Variants in NXPH1 observed in about 807,000 individuals in gnomAD.
NXPH1 encodes the protein neurexophilin-1.
A neutral mutation model predicts 23.7 loss-of-function variants in NXPH1; 5 were observed. The observed-to-expected ratio is 0.21, with a 90% CI of 0.11 to 0.44. The LOEUF (loss-of-function observed/expected upper bound fraction) is 0.44, where lower values mean the gene tolerates loss of function less well. NXPH1 is among the 20% of genes least tolerant of loss of function. The pLI is 0.99. For missense variants in NXPH1, 324 were observed against 321.6 expected (o/e 1.01, Z -0.06); for synonymous variants, 144 against 122.2 (o/e 1.18, Z -1.18).
At chr7:8,450,225 A>G (rs188226343) in intron 2 of NXPH1, among the ~76,000 whole-genome samples, 1 of 152,326 alleles carries the variant, frequency 6.6e-6, no homozygotes, top group East Asian at 1.9e-4. Context: ...GGGAAACCAT[A>G]TATACAAAGC....
At chr7:8,652,802 T>A (rs1820510036) in intron 2 of NXPH1, among the ~76,000 whole-genome samples, 1 of 152,192 alleles carries the variant, frequency 6.6e-6, no homozygotes, top group Non-Finnish European at 1.5e-5. Flanking sequence ...CTTGGATGTA[T>A]CTCCCCATCC....
chr7:8,660,449 C>T (rs1299467775), intron 2 of NXPH1, among the ~76,000 whole-genome samples: 1 of 152,160 alleles, frequency 6.6e-6, no homozygotes, highest in African/African-American at 2.4e-5. Flanking sequence ...TTTGCTAAAA[C>T]AACTACTGTT....
chr7:8,560,372 A>G (rs1818423234), intron 2 of NXPH1, among the ~76,000 whole-genome samples: 1 of 151,792 alleles, frequency 6.6e-6, no homozygotes, highest in Non-Finnish European at 1.5e-5. Flanking sequence ...AACACACTCT[A>G]ATTCTAGAAA....
chr7:8,465,465 T>C (rs1460820461), intron 2 of NXPH1, among the ~76,000 whole-genome samples: 1 of 146,380 alleles, frequency 6.8e-6, no homozygotes, highest in Non-Finnish European at 1.5e-5. Flanking sequence ...TGGGTTGAGT[T>C]GGGAAGGATT....
intron 2 of NXPH1, among the ~76,000 whole-genome samples, chr7:8,724,336 A>G (rs544028240): frequency 1.9e-4 from 29 of 152,306 alleles, no homozygotes; most frequent in African/African-American, 6.0e-4. Context: ...CTCTTTGAAA[A>G]GGGTAATTAA....
intron 2 of NXPH1, among the ~76,000 whole-genome samples, chr7:8,617,482 G>C (rs943777066): frequency 5.3e-5 from 8 of 152,054 alleles, no homozygotes; most frequent in Non-Finnish European, 8.8e-5. Flanking sequence ...CCATAAAAAA[G>C]AAGGAGATCC....
intron 2 of NXPH1, among the ~76,000 whole-genome samples, chr7:8,444,828 C>T (rs1437313025): frequency 6.6e-6 from 1 of 152,200 alleles, no homozygotes; most frequent in African/African-American, 2.4e-5. Context: ...TTTATAATAA[C>T]ATTAATGAGA....
chr7:8,556,142 C>G (rs1227942537), intron 2 of NXPH1, among the ~76,000 whole-genome samples: 2 of 151,526 alleles, frequency 1.3e-5, no homozygotes, highest in Non-Finnish European at 3.0e-5. Flanking sequence ...GCTATTGATC[C>G]AAAAATAAGT....
chr7:8,593,838 A>G (rs1043208102), intron 2 of NXPH1, among the ~76,000 whole-genome samples: 3 of 152,088 alleles, frequency 2.0e-5, no homozygotes, highest in South Asian at 2.1e-4. Flanking sequence ...GACATTTTCC[A>G]TAGATTGGAA....
intron 2 of NXPH1, among the ~76,000 whole-genome samples, chr7:8,571,295 T>A (rs1230460284): frequency 6.6e-6 from 1 of 151,758 alleles, no homozygotes; most frequent in East Asian, 2.0e-4. Flanking sequence ...GAAGTGGAAC[T>A]GAAAAGATTT....
At chr7:8,696,274 C>A (rs1479416586) in intron 2 of NXPH1, among the ~76,000 whole-genome samples, 1 of 152,150 alleles carries the variant, frequency 6.6e-6, no homozygotes, top group Non-Finnish European at 1.5e-5. Context: ...AGCCACTCAT[C>A]CATTTATTCA....
intron 2 of NXPH1, among the ~76,000 whole-genome samples, chr7:8,504,594 G>A (rs1817491232): frequency 6.6e-6 from 1 of 151,984 alleles, no homozygotes; most frequent in Non-Finnish European, 1.5e-5. Flanking sequence ...GTAAATGAAT[G>A]GAGAACAAGG....
chr7:8,482,715 C>A (rs10247842), intron 2 of NXPH1, among the ~76,000 whole-genome samples: 86,694 of 151,992 alleles, frequency 0.57, 26,597 homozygotes, highest in African/African-American at 0.8. Flanking sequence ...ATACTTAATA[C>A]TATGGTCAAT....
intron 2 of NXPH1, among the ~76,000 whole-genome samples, chr7:8,734,738 G>C (rs1349816512): frequency 6.6e-6 from 1 of 152,138 alleles, no homozygotes; most frequent in Non-Finnish European, 1.5e-5. Flanking sequence ...TTCAAGTCCT[G>C]AATAGCCTTG....
intron 2 of NXPH1, among the ~76,000 whole-genome samples, chr7:8,525,121 G>A (rs1389783103): frequency 6.6e-6 from 1 of 152,170 alleles, no homozygotes; most frequent in African/African-American, 2.4e-5. Flanking sequence ...ATAGCGATAT[G>A]GACAATAAAA....
chr7:8,573,602 C>A lies in NXPH1; in HGVS notation c.54+137835C>A, dbSNP rs115969355. ...AACAGCCTGAAAAGGCACTTTAGAA[C>A]CAGGTTATGGAAGCTCTTAAATGCC... On this transcript the variant is annotated intron_variant, in intron 2 of 2. Coordinates refer to ENST00000405863, the MANE Select transcript of NXPH1 (RefSeq NM_152745.3). Among the ~76,000 whole-genome samples the A allele has an allele frequency of 4.8e-3, 732 of 152,164 alleles. 8 individuals are homozygous for A. The highest frequency in any genetic ancestry group is 0.017 in the African/African-American group (689 of 41,516).
chr7:8,622,775 T>C (rs967591057), intron 2 of NXPH1, among the ~76,000 whole-genome samples: 3 of 152,138 alleles, frequency 2.0e-5, no homozygotes, highest in South Asian at 2.1e-4. Flanking sequence ...GAAAATATGG[T>C]TGAGGACAAG....
At chr7:8,464,334 G>A (rs1166003904) in intron 2 of NXPH1, among the ~76,000 whole-genome samples, 1 of 152,082 alleles carries the variant, frequency 6.6e-6, no homozygotes, top group African/African-American at 2.4e-5. Flanking sequence ...ATTTCTTTAT[G>A]AAAACAAAGA....
intron 2 of NXPH1, among the ~76,000 whole-genome samples, chr7:8,463,153 T>C (rs1816723282): frequency 6.6e-6 from 1 of 152,216 alleles, no homozygotes; most frequent in Non-Finnish European, 1.5e-5. Context: ...ATAAGCCTTT[T>C]ATAATAGATC....
Sources: gnomAD v4.1 joint callset for allele counts (sites outside exome capture counted in the v4.1 genomes callset) on GRCh38, gnomAD v4.1.1 for gene constraint, MANE v1.5 for transcripts, NCBI Gene and HGNC (gene_info 2026-07-23, HGNC 2026-07-21) for gene names.